The following PPP1R3F variants were observed in gnomAD, a reference collection of about 807,000 sequenced individuals.
PPP1R3F encodes protein phosphatase 1 regulatory subunit 3F.
A neutral mutation model predicts 24.2 loss-of-function variants in PPP1R3F; 29 were observed. The observed-to-expected ratio is 1.20, with a 90% CI of 0.89 to 1.63. The LOEUF (loss-of-function observed/expected upper bound fraction) is 1.63, where lower values mean the gene tolerates loss of function less well. PPP1R3F is among the 40% of genes most tolerant of loss of function. PPP1R3F has a pLI of 0.00. For synonymous variants in PPP1R3F, 363 were observed against 340.1 expected, an observed-to-expected ratio of 1.07 and a Z score of -0.74; for missense variants, 823 against 729.3, an observed-to-expected ratio of 1.13 and a Z score of -1.48.
chrX:49,274,257 A>G (rs941569859), intron 1 of PPP1R3F: 1 of 111,751 alleles, frequency 8.9e-6, no homozygotes, highest in African/African-American at 3.3e-5. Context: ...TTGGCACTTG[A>G]CACTACCCTT....
At position 49,285,718 on chromosome X, in the gene PPP1R3F, C is replaced by T; in HGVS notation, c.1144-116C>T. ...CTTTAAGGCATTTTTATATAGAAAC[C>T]CCTGTGGGGCTGGCTGTGGGCTGTC... On this transcript the variant is annotated intron_variant, in intron 3 of 3. Transcript: ENST00000055335. The T allele has an allele frequency of 3.8e-6, 3 of 780,834 alleles. No individual in the cohort carries two copies. The South Asian group carries it at 1.5e-4, about 39-fold the overall frequency. 64.3% of individuals were successfully genotyped at this position (780,834 alleles called of 1,213,427 possible).
In PPP1R3F at chrX:49,283,303, C is replaced by G. The variant is rs782328700; in HGVS notation, c.1143+1240C>G. On this transcript the variant is annotated intron_variant, in intron 3 of 3. Transcript: ENST00000055335. ...ACAGAGTCTCACTCTGTCACCTAGG[C>G]TGGAGTGCAGTGGTGTGATCTCAGC... is the stretch of plus-strand genomic sequence containing the variant. Among the ~76,000 whole-genome samples, 10 of 108,714 alleles carry G rather than the reference C, an allele frequency of 9.2e-5. No homozygotes were observed. In the South Asian group the frequency reaches 3.6e-3, roughly 39 times the overall value. The allele number at this position is 108,714 out of a possible 115,157, so 94.4% of individuals were successfully genotyped here.
chrX:49,283,868 A>G (rs1246996600), intron 3 of PPP1R3F, among the ~76,000 whole-genome samples: 3 of 111,423 alleles, frequency 2.7e-5, no homozygotes, highest in African/African-American at 9.8e-5. Flanking sequence ...AATTAACTAG[A>G]ATTAACTCTA....
In PPP1R3F at chrX:49,285,897, C is replaced by A; in HGVS notation, c.1207C>A (p.Pro403Thr). The change falls in exon 4 of 4, where the codon CCT becomes ACT. Residue 403 changes from proline to threonine, a missense_variant. Pro to Thr is a conservative substitution (Grantham distance 38, BLOSUM62 -1). Transcript: ENST00000055335. ...AGGTGATGTCCCCAGAAGCAGTCCA[C>A]CTGTGGCTTTTACAGAGGTCCTCCA... ...EEGDVPRSSPPVAFTEVLQAP... is the reference protein window; with the variant it reads ...EEGDVPRSSPTVAFTEVLQAP... 6 of 1,204,822 alleles carry A rather than the reference C, an allele frequency of 5.0e-6. No homozygotes were observed. Among genetic ancestry groups the A allele is most frequent in the Non-Finnish European group, 6.7e-6 (6 of 891,278 alleles).
chrX:49,270,414 G>A lies in PPP1R3F; in HGVS notation c.545G>A (p.Arg182Gln). 1 of 1,182,964 alleles carries A rather than the reference G, an allele frequency of 8.5e-7. No homozygotes were observed. Among genetic ancestry groups the A allele is most frequent in the Non-Finnish European group, 1.1e-6 (1 of 886,733 alleles). ...TCCTTCGAGAAGGCGGTGCACGTGC[G>A]GGCCTCACACGACGGCTGGGCTTCC... ...NRSFEKAVHV[R>Q]ASHDGWASFC... Residue 182 changes from arginine to glutamine, a missense_variant, in exon 1 of 4, where the codon CGG becomes CAG. Coordinates refer to ENST00000055335, the MANE Select transcript of PPP1R3F (RefSeq NM_033215.5).
intron 1 of PPP1R3F, among the ~76,000 whole-genome samples, chrX:49,272,766 T>TC (rs782020083): frequency 1.7e-4 from 19 of 112,323 alleles, no homozygotes; most frequent in Non-Finnish European, 3.2e-4. Flanking sequence ...ATCCATTCTC[T>TC]CCGTGAGGCC....
chrX:49,273,411 G>C (rs1283317926), intron 1 of PPP1R3F: 1 of 112,241 alleles, frequency 8.9e-6, no homozygotes, highest in Non-Finnish European at 1.9e-5. Flanking sequence ...TCAGACAATT[G>C]TTTTGGTATC....
At chrX:49,277,742 T>C (rs782798214) in intron 1 of PPP1R3F, among the ~76,000 whole-genome samples, 3 of 112,563 alleles carry the variant, frequency 2.7e-5, no homozygotes, top group Non-Finnish European at 5.6e-5. Context: ...CTCTTCAAAG[T>C]GGAGCCCTCC....
chrX:49,298,419 A>T (rs1477138307), intron 3 of PPP1R3F, among the ~76,000 whole-genome samples: 1 of 111,781 alleles, frequency 8.9e-6, no homozygotes, highest in Non-Finnish European at 1.9e-5. Context: ...GGGTAACCCG[A>T]CCTTTCTCTC....
At chrX:49,281,563 C>A (rs1172537582) in intron 2 of PPP1R3F, 102 bp downstream of exon 2, 70 of 675,678 alleles carry the variant, frequency 1.0e-4, no homozygotes, top group Non-Finnish European at 1.5e-4. Flanking sequence ...GGCTCAGTGG[C>A]TCATGCCTGT....
rs1195268943 is a variant in PPP1R3F, at chrX:49,287,086, C to G, written c.2396C>G (p.Ser799Ter). Residue 799 changes from serine (S) to a stop codon, truncating the protein, a stop_gained, in exon 4 of 4, where the codon TCA becomes TGA. Coordinates refer to ENST00000055335, the MANE Select transcript of PPP1R3F (RefSeq NM_033215.5). LOFTEE classifies it high-confidence loss of function. The stretch of plus-strand genomic sequence containing the variant: ...CTGTGCCTCTCTCTGGCTTGGTTCT[C>G]ATAGGCTCTGCTTGTGGGATCAGCA... Reference protein sequence around the residue: ...LALCLSLAWFS With the variant: ...LALCLSLAWF The G allele has an allele frequency of 4.1e-6, 5 of 1,208,640 alleles. No homozygotes were observed. The highest frequency in any genetic ancestry group is 5.6e-6 in the Non-Finnish European group (5 of 894,938).
chrX:49,270,584 C>T lies in PPP1R3F; in HGVS notation c.715C>T (p.Arg239Cys). ...ASASSPDDGG[R>C]TDRFAFQLPF... The stretch of plus-strand genomic sequence containing the variant: ...CGCCTCCTCGCCCGACGACGGCGGC[C>T]GCACCGACCGCTTTGCCTTCCAGCT... Residue 239 changes from arginine to cysteine, a missense_variant, in exon 1 of 4, where the codon CGC (arginine) becomes TGC (cysteine). By Grantham distance (180) the Arg-to-Cys change is radical (BLOSUM62 -3). Transcript: ENST00000055335. The T allele has an allele frequency of 8.3e-7, 1 of 1,202,616 alleles. No individual in the cohort carries two copies. Among genetic ancestry groups the T allele is most frequent in the East Asian group, 3.0e-5 (1 of 33,700 alleles).
intron 3 of PPP1R3F, among the ~76,000 whole-genome samples, chrX:49,293,777 C>T (rs2066315485): frequency 3.6e-5 from 4 of 112,348 alleles, no homozygotes; most frequent in South Asian, 3.7e-4. Context: ...GGGAGGATCA[C>T]TTGAGTCCAG....
intron 3 of PPP1R3F, among the ~76,000 whole-genome samples, chrX:49,283,005 G>GGT (rs58808853): frequency 0.086 from 7,987 of 92,641 alleles, 759 homozygotes; most frequent in African/African-American, 0.27. Flanking sequence ...CATTTTGGAG[G>GGT]GTGTGTGTGT....
chrX:49,276,175 G>C (rs782792661), intron 1 of PPP1R3F, among the ~76,000 whole-genome samples: 1 of 112,904 alleles, frequency 8.9e-6, no homozygotes, highest in South Asian at 3.6e-4. Context: ...CTTAGCTACT[G>C]TACCAGGCTG....
chrX:49,282,629 G>A (rs1425173927), intron 3 of PPP1R3F, among the ~76,000 whole-genome samples: 1 of 109,182 alleles, frequency 9.2e-6, no homozygotes, highest in Non-Finnish European at 1.9e-5. Flanking sequence ...CATCCCAGGC[G>A]AGTGTGAAGT....
intron 1 of PPP1R3F, among the ~76,000 whole-genome samples, chrX:49,279,811 A>G (rs2066236267): frequency 8.9e-6 from 1 of 112,006 alleles, no homozygotes; most frequent in African/African-American, 3.3e-5. Flanking sequence ...CATTTACCTT[A>G]ATCTGTAGAC....
At chrX:49,279,005 C>T (rs1015151250) in intron 1 of PPP1R3F, among the ~76,000 whole-genome samples, 2 of 112,554 alleles carry the variant, frequency 1.8e-5, no homozygotes, top group Non-Finnish European at 3.8e-5. Flanking sequence ...TACTCAGCCT[C>T]TGTTTTATCC....
Position 49,270,642 on chromosome X carries a change from G to T in PPP1R3F, c.773G>T (p.Arg258Leu). ...GCTGAGGGCGCGGGCGATGGGGCGC[G>T]CCTCGACTTCGTGGTGCGCTATGAG... ...PFAEGAGDGA[R>L]LDFVVRYETP... is the part of the protein sequence containing the mutation. The change falls in exon 1 of 4, where the codon CGC becomes CTC. Residue 258 changes from arginine (R) to leucine (L), a missense_variant. Transcript: ENST00000055335. The T allele has an allele frequency of 1.7e-6, 2 of 1,207,915 alleles. No homozygotes were observed. Among genetic ancestry groups the T allele is most frequent in the Non-Finnish European group, 2.2e-6 (2 of 894,579 alleles).
Sources: allele counts gnomAD v4.1 joint callset (sites outside exome capture counted in the v4.1 genomes callset), GRCh38; gene constraint gnomAD v4.1.1; transcripts MANE v1.5; gene names NCBI Gene and HGNC (gene_info 2026-07-23, HGNC 2026-07-21).